POLR2E: variants seen among roughly 807,000 people sequenced by gnomAD.
POLR2E encodes DNA-directed RNA polymerases I, II, and III subunit RPABC1.
Under a neutral mutation model 29.8 loss-of-function variants are expected in POLR2E, and 35 were observed. The observed-to-expected ratio is 1.17, with a 90% CI of 0.90 to 1.55. The LOEUF (loss-of-function observed/expected upper bound fraction) is 1.55. POLR2E is among the 40% of genes most tolerant of loss of function. POLR2E has a pLI of 0.00. For synonymous variants in POLR2E, 174 were observed against 112.6 expected, an observed-to-expected ratio of 1.55 and a Z score of -3.45; for missense variants, 287 against 288.6, an observed-to-expected ratio of 0.99 and a Z score of 0.04.
intron 2 of POLR2E, chr19:1,092,301 G>A (rs556256372): frequency 3.7e-4 from 71 of 191,236 alleles, no homozygotes; most frequent in African/African-American, 1.4e-3. Flanking sequence ...GGCCGGGTGC[G>A]GTGGCTCACA....
At chr19:1,094,207 T>C in intron 1 of POLR2E, 129 bp from the exon 2 acceptor site, 1 of 799,436 alleles carries the variant, frequency 1.3e-6, no homozygotes, top group South Asian at 1.8e-5. Context: ...GAACACTCAC[T>C]GTGTGCTCCA....
At position 1,088,157 on chromosome 19, in the gene POLR2E, G is replaced by A. The variant is rs780612519; in HGVS notation, c.*578C>T. ...CCACCTGCTGGAAACCTTGTTAGTCGGCCTGGTTTCTGTATCAAGCAAATT... is the reference window on the plus strand; with the variant it reads ...CCACCTGCTGGAAACCTTGTTAGTCAGCCTGGTTTCTGTATCAAGCAAATT... On this transcript the variant is annotated 3_prime_UTR_variant, in exon 8 of 8. Coordinates refer to ENST00000615234, the MANE Select transcript of POLR2E (RefSeq NM_002695.5). The A allele has an allele frequency of 3.3e-5, 5 of 152,350 alleles. No individual in the cohort carries two copies. The highest frequency in any genetic ancestry group is 2.1e-4 in the South Asian group (1 of 4,840). 9.4% of individuals were successfully genotyped at this position (152,350 alleles called of 1,614,324 possible). A position where few individuals can be genotyped will look rare whatever the true frequency, so the allele number is the denominator to read the frequency against.
chr19:1,092,770 T>A (rs573291633), intron 2 of POLR2E, among the ~76,000 whole-genome samples: 30 of 150,596 alleles, frequency 2.0e-4, no homozygotes, highest in Non-Finnish European at 2.5e-4. Context: ...AAACCTAGCT[T>A]TTTGGGAGGC....
rs146230282 is a variant in POLR2E, at chr19:1,089,522, C to G, written c.597G>C (p.Thr199=). 1.2e-6 allele frequency: 2 copies of G among 1,613,862 alleles called. No homozygotes were observed. Among genetic ancestry groups the G allele is most frequent in the African/African-American group, 1.3e-5 (1 of 75,046 alleles). Residue 199 remains threonine, a synonymous_variant, in exon 7 of 8, where the codon ACG becomes ACC. Coordinates refer to ENST00000615234, the MANE Select transcript of POLR2E (RefSeq NM_002695.5). ...QVVKIIRPSE[T]AGRYITYRLV... is the part of the protein sequence containing the mutation. ...GCCGGTAGGTGATGTACCTGCCAGC[C>G]GTCTCACTGGGCCGGATGATCTTCA...
intron 2 of POLR2E, among the ~76,000 whole-genome samples, chr19:1,093,281 G>A (rs1157889492): frequency 1.3e-5 from 2 of 152,258 alleles, no homozygotes; most frequent in Non-Finnish European, 2.9e-5. Flanking sequence ...AATTCTGGGC[G>A]TGGGGCTGCG....
At chr19:1,092,791 G>A (rs921426167) in intron 2 of POLR2E, among the ~76,000 whole-genome samples, 2 of 150,978 alleles carry the variant, frequency 1.3e-5, no homozygotes, top group African/African-American at 4.9e-5. Context: ...TGAGGTGGAA[G>A]GATTGTTTGA....
At chr19:1,093,877 G>T in intron 2 of POLR2E, 27 bp downstream of exon 2, 1 of 1,544,058 alleles carries the variant, frequency 6.5e-7, no homozygotes, top group Non-Finnish European at 8.7e-7. Context: ...TGGCTTCACC[G>T]GAACTCCCCC....
At chr19:1,092,627 G>A (rs2043861188) in intron 2 of POLR2E, among the ~76,000 whole-genome samples, 3 of 152,106 alleles carry the variant, frequency 2.0e-5, no homozygotes, top group Admixed American at 1.3e-4. Context: ...GGCAGAGCTT[G>A]CAGTGGGCAG....
At chr19:1,092,870 G>A (rs1259822596) in intron 2 of POLR2E, among the ~76,000 whole-genome samples, 4 of 130,476 alleles carry the variant, frequency 3.1e-5, no homozygotes, top group South Asian at 2.6e-4. Flanking sequence ...GTGACAGAGG[G>A]AGACTCAGTC....
At chr19:1,093,623 G>A (rs2043884291) in intron 2 of POLR2E, 8 of 679,700 alleles carry the variant, frequency 1.2e-5, no homozygotes, top group Non-Finnish European at 1.7e-5. Context: ...TAGGGCAAAG[G>A]ACATGGGGGG....
chr19:1,091,391 C>G, intron 3 of POLR2E: 1 of 366,430 alleles, frequency 2.7e-6, no homozygotes, highest in Non-Finnish European at 5.1e-6. Context: ...TCCAGAGTGT[C>G]CGACAGACAG....
In POLR2E at chr19:1,087,125, GGAT is replaced by G. The variant is rs2043708354; in HGVS notation, c.*1607_*1609del. ...CCCGCCTCAGCCTCCCAAAGTGTTG[GGAT>G]TACAGGTGTGAGCCACTGTGCCCAG... On this transcript the variant is annotated 3_prime_UTR_variant, in exon 8 of 8. Transcript: ENST00000615234. The G allele has an allele frequency of 6.6e-6, 1 of 152,010 alleles. No homozygotes were observed. The highest frequency in any genetic ancestry group is 1.5e-5 in the Non-Finnish European group (1 of 68,066). The allele number at this position is 152,010 out of a possible 1,614,324, so 9.4% of individuals were successfully genotyped here. A position where few individuals can be genotyped will look rare whatever the true frequency, so the allele number is the denominator to read the frequency against.
chr19:1,093,812 G>A (rs2145148622), intron 2 of POLR2E, 92 bp downstream of exon 2: 1 of 1,450,128 alleles, frequency 6.9e-7, no homozygotes, highest in East Asian at 2.6e-5. Context: ...CAAATGCTGG[G>A]CACCAGGCGA....
rs1346640110 is a variant in POLR2E, at chr19:1,088,189, C to G, written c.*546G>C. On this transcript the variant is annotated 3_prime_UTR_variant, in exon 8 of 8. Transcript: ENST00000615234. ...TTTCTGTATCAAGCAAATTTATTTGCTCAAAACATCTTTACCATTTGAAAA... is the reference window on the plus strand; with the variant it reads ...TTTCTGTATCAAGCAAATTTATTTGGTCAAAACATCTTTACCATTTGAAAA... The G allele has an allele frequency of 6.6e-6, 1 of 152,384 alleles. No homozygotes were observed. The highest frequency in any genetic ancestry group is 1.5e-5 in the Non-Finnish European group (1 of 68,044). 9.4% of individuals were successfully genotyped at this position (152,384 alleles called of 1,614,324 possible).
chr19:1,095,077 G>A, intron 1 of POLR2E, 182 bp downstream of exon 1: 2 of 401,372 alleles, frequency 5.0e-6, no homozygotes, highest in East Asian at 5.2e-5. Context: ...TCCCTTCCCC[G>A]CTGCCGGCTC....
intron 2 of POLR2E, chr19:1,092,237 T>C: frequency 7.4e-6 from 2 of 269,302 alleles, no homozygotes; most frequent in South Asian, 4.4e-5. Flanking sequence ...CACCAACCTC[T>C]CCAACAAGCA....
At chr19:1,090,884 C>T (rs372206273) in intron 4 of POLR2E, 24 bp downstream of exon 4, 110 of 1,601,652 alleles carry the variant, frequency 6.9e-5, no homozygotes, top group Non-Finnish European at 9.0e-5. Flanking sequence ...CCCACGCAGG[C>T]GGGATTCCGC....
intron 3 of POLR2E, 117 bp from the exon 4 acceptor site, chr19:1,091,105 G>T: frequency 1.2e-6 from 1 of 804,596 alleles, no homozygotes; most frequent in Non-Finnish European, 2.0e-6. Context: ...CCCACGTCGT[G>T]AATCAGAAAA....
chr19:1,089,556 A>G lies in POLR2E; in HGVS notation c.568-5T>C, dbSNP rs760916464. Reference sequence around the variant, plus strand: ...GGGCCGGATGATCTTCACCACCTGCAGAGACAGAGAGCAGGGGCTGCGAAT... The same window carrying G: ...GGGCCGGATGATCTTCACCACCTGCGGAGACAGAGAGCAGGGGCTGCGAAT... On this transcript the variant is annotated splice_polypyrimidine_tract_variant and splice_region_variant and intron_variant, in intron 6 of 7. Transcript: ENST00000615234. 1 of 1,613,062 alleles carries G rather than the reference A, an allele frequency of 6.2e-7. No individual in the cohort carries two copies. Among genetic ancestry groups the G allele is most frequent in the East Asian group, 2.2e-5 (1 of 44,880 alleles).
Sources: allele counts gnomAD v4.1 joint callset (sites outside exome capture counted in the v4.1 genomes callset), GRCh38; gene constraint gnomAD v4.1.1; transcripts MANE v1.5; gene names NCBI Gene and HGNC (gene_info 2026-07-23, HGNC 2026-07-21).